Variants in CCDC25 observed in about 807,000 individuals in gnomAD.
CCDC25 encodes the protein coiled-coil domain-containing protein 25.
Under a neutral mutation model 35.3 loss-of-function variants are expected in CCDC25, and 16 were observed. That is an observed-to-expected ratio of 0.45 (90% CI 0.31 to 0.69). The LOEUF is 0.69. CCDC25 is among the 30% of genes least tolerant of loss of function. The pLI is 0.06. For synonymous variants in CCDC25, 79 were observed against 80.3 expected, an observed-to-expected ratio of 0.98 and a Z score of 0.09; for missense variants, 179 against 250.7, an observed-to-expected ratio of 0.71 and a Z score of 1.93.
rs1255333917 is a variant in CCDC25 at position 27,737,851 on chromosome 8, G to A, written c.598-1606C>T. Among the ~76,000 whole-genome samples, 1 of 149,458 alleles carries A rather than the reference G, an allele frequency of 6.7e-6. No individual in the cohort carries two copies. The highest frequency in any genetic ancestry group is 2.0e-4 in the East Asian group (1 of 5,062). ...CCAAATGCCCATCAATCAACGAGTG[G>A]ATAAAGAAACTGTGGTGTGTGTATA... On this transcript the variant is annotated intron_variant, in intron 8 of 8. Coordinates refer to ENST00000356537, the MANE Select transcript of CCDC25 (RefSeq NM_018246.3). The surrounding 1 kb of genome is among the most constrained non-coding windows in gnomAD (Gnocchi z 4.6).
At chr8:27,768,144 TGCCACTACACTTCG>T (rs1268476845) in intron 1 of CCDC25, among the ~76,000 whole-genome samples, 2 of 152,062 alleles carry the variant, frequency 1.3e-5, no homozygotes, top group Non-Finnish European at 2.9e-5. Flanking sequence ...CCACTACACT[TGCCACTACACTTCG>T]GCCTGGGTGA....
In CCDC25 at chr8:27,740,523, AG is replaced by A. The variant is rs1803399929; in HGVS notation, c.552-7del. On this transcript the variant is annotated splice_region_variant and splice_polypyrimidine_tract_variant and intron_variant, in intron 7 of 8. Transcript: ENST00000356537. ...TCATTAGTGATGAATAGCTCCTAGA[AG>A]GAAAAAAACACACACACACATTTAA... is the stretch of plus-strand genomic sequence containing the variant. 1 of 1,580,312 alleles carries A rather than the reference AG, an allele frequency of 6.3e-7. No individual in the cohort carries two copies. The highest frequency in any genetic ancestry group is 1.1e-5 in the South Asian group (1 of 89,616).
At chr8:27,768,038 TAA>T (rs56029710) in intron 1 of CCDC25, among the ~76,000 whole-genome samples, 9 of 151,246 alleles carry the variant, frequency 6.0e-5, no homozygotes, top group East Asian at 2.0e-4. Context: ...CCTGTCTCTA[TAA>T]AAAAAAAATT....
chr8:27,761,509 T>A (rs1804226969), intron 3 of CCDC25, among the ~76,000 whole-genome samples: 1 of 152,242 alleles, frequency 6.6e-6, no homozygotes, highest in Admixed American at 6.5e-5. Context: ...GCTTGACAGA[T>A]ATTCACTATC....
rs1803669237 is a variant in CCDC25, at chr8:27,748,179, C to T, written c.449G>A (p.Cys150Tyr). 6.2e-7 allele frequency: 1 copy of T among 1,613,844 alleles called. No homozygotes were observed. Among genetic ancestry groups the T allele is most frequent in the Non-Finnish European group, 8.5e-7 (1 of 1,179,830 alleles). Residue 150 changes from cysteine (C) to tyrosine (Y), a missense_variant, in exon 7 of 9, where the codon TGC becomes TAC. Physicochemically the swap from Cys to Tyr is radical, Grantham distance 194. Coordinates refer to ENST00000356537, the MANE Select transcript of CCDC25 (RefSeq NM_018246.3). ...CTCATTCCTCTCTTCACGATCTCTG[C>T]ATTCTTTCTCTGCTGCTAGGTCTGG... The part of the protein sequence containing the change: ...RFPDLAAEKE[C>Y]RDREERNEKK...
At chr8:27,745,966 T>C (rs907074765) in intron 7 of CCDC25, among the ~76,000 whole-genome samples, 3 of 152,230 alleles carry the variant, frequency 2.0e-5, no homozygotes, top group Non-Finnish European at 2.9e-5. Context: ...CTTCAGTTAA[T>C]AGGAGTATTT....
In CCDC25 at chr8:27,745,295, C is replaced by T. The variant is rs561091233; in HGVS notation, c.551+2782G>A. ...ACAGGCATGAATCACTTTGCCTGGC[C>T]GCATCTCAACTTTTAAATATCCCTC... On this transcript the variant is annotated intron_variant, in intron 7 of 8. Transcript: ENST00000356537. Among the ~76,000 whole-genome samples the T allele has an allele frequency of 9.2e-5, 14 of 152,222 alleles. No individual in the cohort carries two copies. In the East Asian group the frequency reaches 2.1e-3, roughly 23 times the overall value.
chr8:27,747,834 G>A, intron 7 of CCDC25: 1 of 507,148 alleles, frequency 2.0e-6, no homozygotes, highest in Middle Eastern at 5.3e-4. Flanking sequence ...GTTTCTCTAT[G>A]AATAAAATTA....
In CCDC25 at chr8:27,748,141, T is replaced by C; in HGVS notation, c.487A>G (p.Ile163Val). Residue 163 changes from isoleucine (I) to valine (V), a missense_variant, in exon 7 of 9, where the codon ATT becomes GTT. Ile to Val is a conservative substitution (Grantham distance 29). Transcript: ENST00000356537. ...REERNEKKAQIQEMKKREKEE... is the reference protein window; with the variant it reads ...REERNEKKAQVQEMKKREKEE... ...TTTTCTCTCTTTTTCATTTCCTGAA[T>C]TTGGGCTTTTTTCTCATTCCTCTCT... 6.2e-7 allele frequency: 1 copy of C among 1,613,664 alleles called. No individual in the cohort carries two copies. Among genetic ancestry groups the C allele is most frequent in the Admixed American group, 1.7e-5 (1 of 59,996 alleles).
chr8:27,767,128 G>A (rs1282580632), intron 1 of CCDC25, among the ~76,000 whole-genome samples: 1 of 152,162 alleles, frequency 6.6e-6, no homozygotes, highest in Non-Finnish European at 1.5e-5. Flanking sequence ...CACTTCAGGA[G>A]GCCGCGGTGG....
intron 2 of CCDC25, 77 bp from the exon 3 acceptor site, chr8:27,762,535 A>ATC: frequency 3.8e-6 from 5 of 1,331,898 alleles, no homozygotes; most frequent in Non-Finnish European, 5.3e-6. Context: ...GAATGGGAGA[A>ATC]ATGTCAGCTC....
intron 7 of CCDC25, among the ~76,000 whole-genome samples, chr8:27,741,137 T>C (rs942242794): frequency 6.6e-6 from 1 of 152,226 alleles, no homozygotes; most frequent in African/African-American, 2.4e-5. Context: ...CCCAATTATG[T>C]TGTCTTGATT....
chr8:27,765,938 T>C (rs928814548), intron 1 of CCDC25, among the ~76,000 whole-genome samples: 12 of 152,212 alleles, frequency 7.9e-5, no homozygotes, highest in Admixed American at 2.0e-4. Context: ...GTGATTCTAA[T>C]ATAAGGTCAG....
intron 8 of CCDC25, among the ~76,000 whole-genome samples, chr8:27,739,220 G>A (rs1803356227): frequency 6.6e-6 from 1 of 151,986 alleles, no homozygotes. Flanking sequence ...ATGCTATTCT[G>A]GAATTTTTCA....
At chr8:27,762,597 G>A in intron 2 of CCDC25, 139 bp from the exon 3 acceptor site, 3 of 606,864 alleles carry the variant, frequency 4.9e-6, no homozygotes, top group Non-Finnish European at 8.5e-6. Flanking sequence ...CGGAGGCCTT[G>A]ATGCTTGAAA....
chr8:27,769,971 G>T (rs545507460), intron 1 of CCDC25, among the ~76,000 whole-genome samples: 1 of 152,122 alleles, frequency 6.6e-6, no homozygotes, highest in East Asian at 1.9e-4. Context: ...GTGAAACCCC[G>T]TTTCTACTAA....
rs530847072 is a variant in CCDC25 at position 27,734,012 on chromosome 8, G to T, written c.*2204C>A. 6.6e-6 allele frequency: 1 copy of T among 152,382 alleles called. No individual in the cohort carries two copies. The highest frequency in any genetic ancestry group is 1.9e-4 in the East Asian group (1 of 5,182). 9.4% of individuals were successfully genotyped at this position (152,382 alleles called of 1,614,324 possible). A position where few individuals can be genotyped will look rare whatever the true frequency, so the allele number is the denominator to read the frequency against. On this transcript the variant is annotated 3_prime_UTR_variant, in exon 9 of 9. Transcript: ENST00000356537. ...ATAGCTGAAAGGCTCGCTGAAATCT[G>T]TGCTTCAAGAACGAGTTAAAGACAA...
chr8:27,738,153 A>G (rs548017047), intron 8 of CCDC25, among the ~76,000 whole-genome samples: 1 of 152,164 alleles, frequency 6.6e-6, no homozygotes, highest in East Asian at 1.9e-4. Flanking sequence ...GACTACAAAT[A>G]TGGTGCAGTG....
intron 1 of CCDC25, among the ~76,000 whole-genome samples, chr8:27,767,597 C>T (rs1804443387): frequency 6.6e-6 from 1 of 152,082 alleles, no homozygotes; most frequent in African/African-American, 2.4e-5. Context: ...TTAGAGGAGG[C>T]TACAGAATAA....
Sources: allele counts gnomAD v4.1 joint callset (sites outside exome capture counted in the v4.1 genomes callset), GRCh38; gene constraint gnomAD v4.1.1; non-coding constraint Gnocchi (gnomAD v3.1); transcripts MANE v1.5; gene names NCBI Gene and HGNC (gene_info 2026-07-23, HGNC 2026-07-21).